Variants in SNX29 observed in about 807,000 individuals in gnomAD.
The protein encoded by SNX29 is sorting nexin-29.
A neutral mutation model predicts 102.1 loss-of-function variants in SNX29; 78 were observed. That is an observed-to-expected ratio of 0.76 (90% confidence interval 0.64 to 0.92). SNX29 has a LOEUF of 0.92. Among genes scored for constraint, SNX29 ranks in the 40% least tolerant of loss-of-function variants. The pLI is 0.00. For synonymous variants in SNX29, 580 were observed against 414.5 expected (o/e 1.40, Z -4.85); for missense variants, 1,280 against 1,061.7 (o/e 1.21, Z -2.86).
chr16:12,446,118 C>T (rs1171330731), intron 18 of SNX29, among the ~76,000 whole-genome samples: 1 of 140,898 alleles, frequency 7.1e-6, no homozygotes, highest in Non-Finnish European at 1.5e-5. Flanking sequence ...TGCAGCGGTG[C>T]AATCTCGGCT....
intron 13 of SNX29, among the ~76,000 whole-genome samples, chr16:12,167,398 C>G (rs2076041157): frequency 6.6e-6 from 1 of 152,134 alleles, no homozygotes; most frequent in Non-Finnish European, 1.5e-5. Context: ...TCTGTGGGTC[C>G]AGGTAGAGCT....
intron 14 of SNX29, among the ~76,000 whole-genome samples, chr16:12,256,804 C>T (rs560948409): frequency 1.3e-5 from 2 of 152,302 alleles, no homozygotes; most frequent in African/African-American, 4.8e-5. Flanking sequence ...GGAATGGCCA[C>T]TGATGGCTCT....
At chr16:12,445,863 C>T (rs1378616055) in intron 18 of SNX29, among the ~76,000 whole-genome samples, 11 of 152,264 alleles carry the variant, frequency 7.2e-5, no homozygotes, top group African/African-American at 2.4e-4. Context: ...CCCCATTCTA[C>T]AGATGAGGAA....
At chr16:12,059,325 A>G (rs2050671470) in intron 8 of SNX29, among the ~76,000 whole-genome samples, 1 of 152,222 alleles carries the variant, frequency 6.6e-6, no homozygotes. Flanking sequence ...CTCCGTGGTC[A>G]CCAGTGGCCA....
At chr16:12,178,561 A>G (rs927554656) in intron 13 of SNX29, among the ~76,000 whole-genome samples, 3 of 152,198 alleles carry the variant, frequency 2.0e-5, no homozygotes, top group African/African-American at 7.2e-5. Flanking sequence ...TGGAAAAAAC[A>G]TGGAACCCCC....
intron 13 of SNX29, among the ~76,000 whole-genome samples, chr16:12,150,867 A>T (rs1300819073): frequency 6.6e-6 from 1 of 152,114 alleles, no homozygotes; most frequent in Non-Finnish European, 1.5e-5. Context: ...CATTTAACAG[A>T]CAGAAGCGCT....
chr16:12,570,159 C>A lies in SNX29; in HGVS notation c.*1530C>A. On this transcript the variant is annotated 3_prime_UTR_variant, in exon 21 of 21. Coordinates refer to ENST00000566228, the MANE Select transcript of SNX29 (RefSeq NM_032167.5). ...AGGCTGAGATCACTCACACACAGCG[C>A]CCCCCCACCCCAGAGAAACCGAGTC... 9.4e-7 allele frequency: 1 copy of A among 1,062,604 alleles called. No homozygotes were observed. The highest frequency in any genetic ancestry group is 4.2e-4 in the Middle Eastern group (1 of 2,388). The allele number at this position is 1,062,604 out of a possible 1,614,324, so 65.8% of individuals were successfully genotyped here. A position where few individuals can be genotyped will look rare whatever the true frequency, so the allele number is the denominator to read the frequency against.
intron 13 of SNX29, among the ~76,000 whole-genome samples, chr16:12,175,968 T>C (rs1005186569): frequency 6.6e-6 from 1 of 152,096 alleles, no homozygotes; most frequent in Non-Finnish European, 1.5e-5. Flanking sequence ...ATTGTGTCAT[T>C]GCGGTCCAGC....
intron 15 of SNX29, among the ~76,000 whole-genome samples, chr16:12,298,739 C>T (rs752566018): frequency 4.6e-5 from 7 of 152,116 alleles, no homozygotes; most frequent in Admixed American, 1.3e-4. Flanking sequence ...TGTCTCTCAC[C>T]GGCCAAGGAA....
intron 18 of SNX29, among the ~76,000 whole-genome samples, chr16:12,423,960 A>G (rs915121422): frequency 1.3e-5 from 2 of 152,190 alleles, no homozygotes; most frequent in African/African-American, 2.4e-5. Context: ...TGTCGGGGAT[A>G]GTCCTGTTTC....
intron 18 of SNX29, among the ~76,000 whole-genome samples, chr16:12,420,058 G>A (rs1403088381): frequency 6.6e-6 from 1 of 152,168 alleles, no homozygotes; most frequent in African/African-American, 2.4e-5. Flanking sequence ...GACATTTTGG[G>A]CCAGGTAATT....
At chr16:12,561,712 TGTTAA>T (rs1449845835) in intron 20 of SNX29, among the ~76,000 whole-genome samples, 1 of 152,004 alleles carries the variant, frequency 6.6e-6, no homozygotes, top group Non-Finnish European at 1.5e-5. Flanking sequence ...CCCAGTGCTG[TGTTAA>T]GTTGCTAGCA....
intron 20 of SNX29, among the ~76,000 whole-genome samples, chr16:12,541,703 G>A (rs765457881): frequency 6.6e-6 from 1 of 152,108 alleles, no homozygotes; most frequent in Non-Finnish European, 1.5e-5. Flanking sequence ...GGGCGGGAGT[G>A]GGTTCCTGAT....
intron 18 of SNX29, among the ~76,000 whole-genome samples, chr16:12,409,726 T>G (rs1327255688): frequency 6.6e-6 from 1 of 152,196 alleles, no homozygotes; most frequent in Non-Finnish European, 1.5e-5. Context: ...CTCACCTATT[T>G]GTTTTCTTCA....
chr16:12,445,657 A>G (rs1342701490), intron 18 of SNX29, among the ~76,000 whole-genome samples: 2 of 152,228 alleles, frequency 1.3e-5, no homozygotes, highest in Non-Finnish European at 2.9e-5. Flanking sequence ...AAATAGCCTC[A>G]GTGTACAGTG....
intron 18 of SNX29, among the ~76,000 whole-genome samples, chr16:12,467,948 C>G (rs1158291134): frequency 6.6e-6 from 1 of 152,102 alleles, no homozygotes; most frequent in East Asian, 1.9e-4. Flanking sequence ...AGCCACAGCT[C>G]CAGCTCCGGC....
At position 12,135,588 on chromosome 16, in the gene SNX29, G is replaced by A. The variant is rs532615518; in HGVS notation, c.1595+5830G>A. 3.6e-5 allele frequency: 48 copies of A among 1,340,040 alleles called. No individual in the cohort carries two copies. The African/African-American group carries it at 5.6e-4, about 16-fold the overall frequency. 83.0% of individuals were successfully genotyped at this position (1,340,040 alleles called of 1,614,324 possible). ...TTTTGTGAGGAGATTCTAACCCCAC[G>A]TGAGAACCATGTGGTGGAGAAATGG... is the stretch of plus-strand genomic sequence containing the variant. On this transcript the variant is annotated intron_variant, in intron 13 of 20. Coordinates refer to ENST00000566228, the MANE Select transcript of SNX29 (RefSeq NM_032167.5).
At chr16:12,279,585 C>T (rs1220126101) in intron 15 of SNX29, among the ~76,000 whole-genome samples, 2 of 152,174 alleles carry the variant, frequency 1.3e-5, no homozygotes, top group African/African-American at 4.8e-5. Flanking sequence ...GGGTTCTGGG[C>T]CATGAGTCTG....
At chr16:12,326,995 G>C (rs990993289) in intron 15 of SNX29, among the ~76,000 whole-genome samples, 11 of 152,200 alleles carry the variant, frequency 7.2e-5, no homozygotes, top group African/African-American at 2.7e-4. Flanking sequence ...CGTGGCTGAT[G>C]ATGGGGTTGA....
Sources: allele counts gnomAD v4.1 joint callset (sites outside exome capture counted in the v4.1 genomes callset), GRCh38; gene constraint gnomAD v4.1.1; transcripts MANE v1.5; gene names NCBI Gene and HGNC (gene_info 2026-07-23, HGNC 2026-07-21).